Variants in APLP2 observed in about 807,000 individuals in gnomAD.
APLP2 encodes CDEI box-binding protein.
Under a neutral mutation model 89.9 loss-of-function variants are expected in APLP2, and 53 were observed. That is an observed-to-expected ratio of 0.59 (90% confidence interval 0.47 to 0.74). The LOEUF (loss-of-function observed/expected upper bound fraction) is 0.74. Among genes scored for constraint, APLP2 ranks in the 30% least tolerant of loss-of-function variants. The probability of loss-of-function intolerance (pLI) is 0.00; values close to 1 mark genes in which losing one functional copy is unlikely to be tolerated. For missense variants in APLP2, 973 were observed against 975.9 expected, an observed-to-expected ratio of 1.00 and a Z score of 0.04; for synonymous variants, 372 against 348.6, an observed-to-expected ratio of 1.07 and a Z score of -0.75.
At chr11:130,137,179 T>G (rs1951726753) in intron 13 of APLP2, 4 of 1,309,038 alleles carry the variant, frequency 3.1e-6, no homozygotes, top group Non-Finnish European at 4.4e-6. Flanking sequence ...GATAGAAATT[T>G]TAAAAGAAGC....
chr11:130,116,042 A>G (rs761596523), intron 3 of APLP2, among the ~76,000 whole-genome samples: 85 of 152,214 alleles, frequency 5.6e-4, no homozygotes, highest in African/African-American at 1.8e-3. Flanking sequence ...TTTTTTCCCT[A>G]ACTGTGATGA....
chr11:130,127,824 G>A lies in APLP2; in HGVS notation c.1280G>A (p.Arg427Lys). Residue 427 changes from arginine (R) to lysine (K), a missense_variant, in exon 9 of 17, where the codon AGG becomes AAG. Arg to Lys is a conservative substitution (Grantham distance 26). Transcript: ENST00000338167. ...LQAKNLPKAE[R>K]QTLIQHFQAM... ...GCTAAGAACCTCCCCAAAGCAGAGA[G>A]GCAGACTCTGATTCAGGTAAGATGC... is the stretch of plus-strand genomic sequence containing the variant. 4.3e-6 allele frequency: 7 copies of A among 1,614,096 alleles called. No individual in the cohort carries two copies. The highest frequency in any genetic ancestry group is 1.1e-5 in the South Asian group (1 of 91,072).
intron 1 of APLP2, among the ~76,000 whole-genome samples, chr11:130,106,816 G>A (rs1218098151): frequency 1.3e-5 from 2 of 152,118 alleles, no homozygotes; most frequent in East Asian, 1.9e-4. Flanking sequence ...AGCCCCCTGA[G>A]TAGCTGTGAT....
chr11:130,116,058 C>T (rs1005471817), intron 3 of APLP2, among the ~76,000 whole-genome samples: 35 of 151,968 alleles, frequency 2.3e-4, no homozygotes, highest in African/African-American at 8.0e-4. Context: ...GATGATACAA[C>T]GTATGCTCCT....
intron 3 of APLP2, among the ~76,000 whole-genome samples, chr11:130,116,646 A>G (rs982968498): frequency 1.3e-5 from 2 of 151,562 alleles, no homozygotes; most frequent in Non-Finnish European, 2.9e-5. Flanking sequence ...CATTTTTACT[A>G]TTTCTAGTAG....
rs373359703 is a variant in APLP2 at position 130,121,650 on chromosome 11, G to A, written c.553G>A (p.Gly185Ser). Reference protein sequence around the residue: ...LTQGMTLYSYGMLLPCGVDQF... With the variant: ...LTQGMTLYSYSMLLPCGVDQF... ...TCAGGGAATGACCTTATATAGCTAC[G>A]GCATGCTGCTCCCATGTGGGGTAGA... Residue 185 changes from glycine to serine, a missense_variant, in exon 5 of 17, where the codon GGC becomes AGC. By Grantham distance (56) the Gly-to-Ser change is moderately conservative. Transcript: ENST00000338167. 1.1e-5 allele frequency: 17 copies of A among 1,613,894 alleles called. No individual in the cohort carries two copies. The highest frequency in any genetic ancestry group is 5.3e-5 in the African/African-American group (4 of 74,880).
intron 1 of APLP2, among the ~76,000 whole-genome samples, chr11:130,077,130 GAGAA>G (rs1942280304): frequency 6.6e-6 from 1 of 152,260 alleles, no homozygotes; most frequent in Non-Finnish European, 1.5e-5. Context: ...ATGGCTGAAA[GAGAA>G]AGAAGTAATT....
chr11:130,106,977 G>A (rs1223498785), intron 1 of APLP2, among the ~76,000 whole-genome samples: 4 of 152,130 alleles, frequency 2.6e-5, no homozygotes, highest in Non-Finnish European at 5.9e-5. Flanking sequence ...GTGAGCCACC[G>A]CGCCCGGCCC....
intron 1 of APLP2, among the ~76,000 whole-genome samples, chr11:130,079,910 C>T (rs1451197115): frequency 6.6e-6 from 1 of 152,096 alleles, no homozygotes; most frequent in Non-Finnish European, 1.5e-5. Context: ...CTAAGTTTGC[C>T]AAAGATTCTT....
At chr11:130,087,784 A>G (rs1168012193) in intron 1 of APLP2, among the ~76,000 whole-genome samples, 7 of 152,100 alleles carry the variant, frequency 4.6e-5, no homozygotes, top group South Asian at 2.1e-4. Context: ...GCCACTTCCT[A>G]TTAGAAGAAT....
intron 3 of APLP2, among the ~76,000 whole-genome samples, chr11:130,119,798 C>T (rs1286346822): frequency 6.6e-6 from 1 of 152,204 alleles, no homozygotes; most frequent in Non-Finnish European, 1.5e-5. Context: ...AGTATTTCAG[C>T]TGGTTTCTCC....
intron 1 of APLP2, 105 bp downstream of exon 1, chr11:130,070,187 C>T (rs1421232061): frequency 3.6e-6 from 2 of 553,618 alleles, no homozygotes; most frequent in African/African-American, 2.0e-5. Flanking sequence ...GGCGGTGCGG[C>T]GCCGGGGGTC....
chr11:130,079,968 T>G (rs1030338251), intron 1 of APLP2, among the ~76,000 whole-genome samples: 1 of 152,196 alleles, frequency 6.6e-6, no homozygotes, highest in Non-Finnish European at 1.5e-5. Context: ...TTTTGCCAAG[T>G]ATAAGATGAT....
chr11:130,106,123 A>G (rs1352007848), intron 1 of APLP2, among the ~76,000 whole-genome samples: 1 of 152,268 alleles, frequency 6.6e-6, no homozygotes, highest in African/African-American at 2.4e-5. Flanking sequence ...GGCCAAAGAC[A>G]GATCTTATGG....
At position 130,130,004 on chromosome 11, in the gene APLP2, C is replaced by T. The variant is rs759980095; in HGVS notation, c.1456-34C>T. On this transcript the variant is annotated intron_variant, in intron 10 of 16. Coordinates refer to ENST00000338167, the MANE Select transcript of APLP2 (RefSeq NM_001142276.2). Reference sequence around the variant, plus strand: ...TCCTGCCTATTTTCAATTCTCTAGTCTCTGGATATTAAAACAACTGTTCTC... The same window carrying T: ...TCCTGCCTATTTTCAATTCTCTAGTTTCTGGATATTAAAACAACTGTTCTC... The T allele has an allele frequency of 5.6e-6, 9 of 1,607,894 alleles. No homozygotes were observed. In the East Asian group the frequency reaches 1.3e-4, roughly 24 times the overall value.
intron 1 of APLP2, among the ~76,000 whole-genome samples, chr11:130,092,639 G>T (rs1168681498): frequency 1.5e-5 from 2 of 137,830 alleles, no homozygotes; most frequent in Non-Finnish European, 3.1e-5. Flanking sequence ...CAGGGAGGTT[G>T]CAGTGAGCCG....
chr11:130,093,868 C>T (rs182672945), intron 1 of APLP2, among the ~76,000 whole-genome samples: 5 of 152,136 alleles, frequency 3.3e-5, no homozygotes, highest in Admixed American at 6.5e-5. Flanking sequence ...CTCAGCCTCC[C>T]GCGTAGCTGG....
In APLP2 at chr11:130,126,834, A is replaced by T; in HGVS notation, c.1221+4A>T. 7 of 1,614,102 alleles carry T rather than the reference A, an allele frequency of 4.3e-6. No homozygotes were observed. Among genetic ancestry groups the T allele is most frequent in the Non-Finnish European group, 5.9e-6 (7 of 1,179,940 alleles). The stretch of plus-strand genomic sequence containing the variant: ...GCACCGCAACCGAATGGACAGGGTA[A>T]ACCTTGACAATTTCTTCATCTTCAT... On this transcript the variant is annotated splice_donor_region_variant and intron_variant, in intron 8 of 16. Transcript: ENST00000338167.
intron 16 of APLP2, among the ~76,000 whole-genome samples, 196 bp downstream of exon 16, chr11:130,142,270 A>G (rs893386453): frequency 3.3e-5 from 5 of 152,196 alleles, no homozygotes; most frequent in South Asian, 2.1e-4. Flanking sequence ...AACTTTCAAC[A>G]TTAGTTTGGG....
Sources: allele counts gnomAD v4.1 joint callset (sites outside exome capture counted in the v4.1 genomes callset), GRCh38; gene constraint gnomAD v4.1.1; transcripts MANE v1.5; gene names NCBI Gene and HGNC (gene_info 2026-07-23, HGNC 2026-07-21).